The following CTDNEP1 variants were observed in gnomAD, a reference collection of about 807,000 sequenced individuals.
CTDNEP1 encodes C-terminal domain nuclear envelope phosphatase 1.
Under a neutral mutation model 30.1 loss-of-function variants are expected in CTDNEP1, and 3 were observed. The observed-to-expected ratio is 0.10, with a 90% CI of 0.05 to 0.26. CTDNEP1 has a LOEUF of 0.26. Ranked by LOEUF, CTDNEP1 falls within the 10% of genes least tolerant of loss-of-function variation. The probability of loss-of-function intolerance (pLI) is 1.00; values close to 1 mark genes in which losing one functional copy is unlikely to be tolerated. For missense variants in CTDNEP1, 158 were observed against 310.4 expected, an observed-to-expected ratio of 0.51 and a Z score of 3.69; for synonymous variants, 123 against 118.8, an observed-to-expected ratio of 1.04 and a Z score of -0.23.
intron 1 of CTDNEP1, among the ~76,000 whole-genome samples, chr17:7,249,441 C>T (rs866109934): frequency 3.3e-5 from 5 of 152,086 alleles, no homozygotes; most frequent in South Asian, 2.1e-4. Context: ...CTGCCAGAAG[C>T]GGGGTGGGGA....
chr17:7,245,993 T>G, intron 6 of CTDNEP1, 33 bp downstream of exon 6: 1 of 1,448,722 alleles, frequency 6.9e-7, no homozygotes, highest in Non-Finnish European at 9.7e-7. Flanking sequence ...AACCATGTTC[T>G]GGTCCTGCCA....
At chr17:7,250,176 G>A (rs2071894177) in intron 1 of CTDNEP1, among the ~76,000 whole-genome samples, 1 of 152,064 alleles carries the variant, frequency 6.6e-6, no homozygotes, top group Non-Finnish European at 1.5e-5. Flanking sequence ...CTGGACCCCA[G>A]GTCACCCCAA....
At chr17:7,245,719 C>T (rs1336982810) in intron 6 of CTDNEP1, among the ~76,000 whole-genome samples, 1 of 151,732 alleles carries the variant, frequency 6.6e-6, no homozygotes, top group Non-Finnish European at 1.5e-5. Flanking sequence ...AGGCTGGTCT[C>T]GAACTTCTGA....
intron 6 of CTDNEP1, among the ~76,000 whole-genome samples, chr17:7,245,343 T>C (rs2071821903): frequency 6.6e-6 from 1 of 151,488 alleles, no homozygotes; most frequent in African/African-American, 2.4e-5. Flanking sequence ...TGCACGCCTG[T>C]AGTCCCAACT....
In CTDNEP1 at chr17:7,251,141, TGTCCCCAACACCGCCAGAC is replaced by T. The variant is rs200552437; in HGVS notation, c.102+35_102+53del. 4.0e-3 allele frequency: 5,326 copies of T among 1,320,228 alleles called. 158 individuals are homozygous for T. In the African/African-American group the frequency reaches 0.066, roughly 16 times the overall value. The allele number at this position is 1,320,228 out of a possible 1,614,324, so 81.8% of individuals were successfully genotyped here. A position where few individuals can be genotyped will look rare whatever the true frequency, so the allele number is the denominator to read the frequency against. On this transcript the variant is annotated intron_variant, in intron 1 of 7. Coordinates refer to ENST00000574322, the MANE Select transcript of CTDNEP1 (RefSeq NM_001143775.2). The stretch of plus-strand genomic sequence containing the variant: ...AAAACCCCTGAGCACCACGGACAGA[TGTCCCCAACACCGCCAGAC>T]GTCCCCAACACCGCCAGCGCCCACC...
rs887445726 is a variant in CTDNEP1, at chr17:7,246,542, A to C, written c.361-172T>G. The C allele has an allele frequency of 9.3e-6, 6 of 644,074 alleles. No individual in the cohort carries two copies. In the Admixed American group the frequency reaches 1.1e-4, roughly 12 times the overall value. 39.9% of individuals were successfully genotyped at this position (644,074 alleles called of 1,614,324 possible). ...AGCCCAAACCTCCAAACTCAGTGTT[A>C]GGCATCCTACACTCTTATGATTCAG... On this transcript the variant is annotated intron_variant, in intron 4 of 7. Transcript: ENST00000574322. This position sits in a 1 kb window ranked among gnomAD's most constrained non-coding sequence, Gnocchi z 4.9.
chr17:7,250,688 C>T (rs1018110851), intron 1 of CTDNEP1, among the ~76,000 whole-genome samples: 8 of 152,176 alleles, frequency 5.3e-5, no homozygotes, highest in Non-Finnish European at 1.0e-4. Context: ...GAACCGCAGG[C>T]GTTTCTCCTT....
In CTDNEP1 at chr17:7,246,164, G is replaced by T. The variant is rs1466370991; in HGVS notation, c.478-27C>A. ...TGGAAGGCAGGGGATCATGTAGCAG[G>T]CCTCTCTCCAGGATACTCTCCTCAA... On this transcript the variant is annotated intron_variant, in intron 5 of 7. Coordinates refer to ENST00000574322, the MANE Select transcript of CTDNEP1 (RefSeq NM_001143775.2). This position sits in a 1 kb window ranked among gnomAD's most constrained non-coding sequence, Gnocchi z 4.9. The T allele has an allele frequency of 6.3e-7, 1 of 1,595,428 alleles. No individual in the cohort carries two copies. The highest frequency in any genetic ancestry group is 8.6e-7 in the Non-Finnish European group (1 of 1,163,134).
rs200552437 is a variant in CTDNEP1 at position 7,251,141 on chromosome 17, T to TGTCCCCAACACCGCCAGAC, written c.102+35_102+53dup. The TGTCCCCAACACCGCCAGAC allele has an allele frequency of 1.5e-4, 201 of 1,320,206 alleles. 1 individual carries two copies. Among genetic ancestry groups the TGTCCCCAACACCGCCAGAC allele is most frequent in the South Asian group, 1.2e-4 (9 of 75,554 alleles). The allele number at this position is 1,320,206 out of a possible 1,614,324, so 81.8% of individuals were successfully genotyped here. A position where few individuals can be genotyped will look rare whatever the true frequency, so the allele number is the denominator to read the frequency against. On this transcript the variant is annotated intron_variant, in intron 1 of 7. Coordinates refer to ENST00000574322, the MANE Select transcript of CTDNEP1 (RefSeq NM_001143775.2). ...AAAACCCCTGAGCACCACGGACAGA[T>TGTCCCCAACACCGCCAGAC]GTCCCCAACACCGCCAGACGTCCCC...
chr17:7,244,771 C>T, intron 6 of CTDNEP1, 136 bp from the exon 7 acceptor site: 1 of 664,532 alleles, frequency 1.5e-6, no homozygotes, highest in Non-Finnish European at 2.5e-6. Flanking sequence ...CTAAGTAAAA[C>T]TTTCCTGGTT....
Position 7,251,334 on chromosome 17 carries a change from C to G in CTDNEP1, c.-38G>C. ...GGCACCGCCGGCCCCGGGGCCCCCG[C>G]GGCCCAGCTCCGCCAGCCCCCCGGG... is the stretch of plus-strand genomic sequence containing the variant. On this transcript the variant is annotated 5_prime_UTR_variant, in exon 1 of 8. Coordinates refer to ENST00000574322, the MANE Select transcript of CTDNEP1 (RefSeq NM_001143775.2). The G allele has an allele frequency of 7.3e-7, 1 of 1,378,718 alleles. No individual in the cohort carries two copies. 85.4% of individuals were successfully genotyped at this position (1,378,718 alleles called of 1,614,324 possible).
Position 7,248,259 on chromosome 17 carries a change from C to CCAAAAAAAAA in CTDNEP1, c.103-917_103-916insTTTTTTTTTG, listed in dbSNP as rs1379101575. 1.9e-4 allele frequency among the ~76,000 whole-genome samples: 3 copies of CCAAAAAAAAA among 15,406 alleles called. 1 individual carries two copies. Among genetic ancestry groups the CCAAAAAAAAA allele is most frequent in the African/African-American group, 2.9e-4 (3 of 10,380 alleles). The allele number at this position is 15,406 out of a possible 152,430, so 10.1% of individuals were successfully genotyped here. A position where few individuals can be genotyped will look rare whatever the true frequency, so the allele number is the denominator to read the frequency against. Reference sequence around the variant, plus strand: ...CTGGTGACAGAGCAAGACTCCGTCGCAAAAAAAAAAAAAAAAAAAAAAAAA... The same window carrying CCAAAAAAAAA: ...CTGGTGACAGAGCAAGACTCCGTCGCCAAAAAAAAAAAAAAAAAAAAAAAAAAAAAAAAAA... On this transcript the variant is annotated intron_variant, in intron 1 of 7. Coordinates refer to ENST00000574322, the MANE Select transcript of CTDNEP1 (RefSeq NM_001143775.2).
chr17:7,244,333 G>A (rs1226202797), intron 7 of CTDNEP1, 88 bp from the exon 8 acceptor site: 2 of 1,421,720 alleles, frequency 1.4e-6, no homozygotes, highest in African/African-American at 1.4e-5. Context: ...TGGAGATGTG[G>A]GACCTAAATT....
intron 1 of CTDNEP1, among the ~76,000 whole-genome samples, chr17:7,248,093 T>A (rs889117355): frequency 4.6e-5 from 7 of 150,682 alleles, no homozygotes; most frequent in African/African-American, 1.7e-4. Flanking sequence ...AAACCCCGTC[T>A]CTACTAAAAA....
At chr17:7,249,088 T>G (rs2071880375) in intron 1 of CTDNEP1, among the ~76,000 whole-genome samples, 1 of 152,076 alleles carries the variant, frequency 6.6e-6, no homozygotes. Flanking sequence ...GGCCGTTAAG[T>G]GAGAGGTGAA....
rs995440722 is a variant in CTDNEP1 at position 7,249,728 on chromosome 17, T to C, written c.102+1467A>G. On this transcript the variant is annotated intron_variant, in intron 1 of 7. Transcript: ENST00000574322. ...GAGTTTGAGACCATCCTGGCCAACA[T>C]GGTGAAAACCCGTTTCTACTAAAAT... is the stretch of plus-strand genomic sequence containing the variant. Among the ~76,000 whole-genome samples, 7 of 152,146 alleles carry C rather than the reference T, an allele frequency of 4.6e-5. No homozygotes were observed. In the East Asian group the frequency reaches 9.6e-4, roughly 21 times the overall value.
rs150300133 is a variant in CTDNEP1, at chr17:7,244,348, C to A, written c.675-103G>T. 4.5e-5 allele frequency: 60 copies of A among 1,347,242 alleles called. No homozygotes were observed. The African/African-American group carries it at 8.3e-4, about 19-fold the overall frequency. The allele number at this position is 1,347,242 out of a possible 1,614,324, so 83.5% of individuals were successfully genotyped here. A position where few individuals can be genotyped will look rare whatever the true frequency, so the allele number is the denominator to read the frequency against. Reference sequence around the variant, plus strand: ...TGGAGATGTGGGACCTAAATTATCACCATATTCATGATTAGATAGGTTCAA... The same window carrying A: ...TGGAGATGTGGGACCTAAATTATCAACATATTCATGATTAGATAGGTTCAA... On this transcript the variant is annotated intron_variant, in intron 7 of 7. Coordinates refer to ENST00000574322, the MANE Select transcript of CTDNEP1 (RefSeq NM_001143775.2).
intron 6 of CTDNEP1, among the ~76,000 whole-genome samples, chr17:7,245,287 G>A (rs1469260778): frequency 6.6e-6 from 1 of 150,722 alleles, no homozygotes; most frequent in Non-Finnish European, 1.5e-5. Context: ...GCGAGACTCT[G>A]TCTCAAAAAA....
chr17:7,245,345 G>A (rs2071821924), intron 6 of CTDNEP1, among the ~76,000 whole-genome samples: 1 of 151,528 alleles, frequency 6.6e-6, no homozygotes, highest in Non-Finnish European at 1.5e-5. Flanking sequence ...CACGCCTGTA[G>A]TCCCAACTAC....
Sources: allele counts gnomAD v4.1 joint callset (sites outside exome capture counted in the v4.1 genomes callset), GRCh38; gene constraint gnomAD v4.1.1; non-coding constraint Gnocchi (gnomAD v3.1); transcripts MANE v1.5; gene names NCBI Gene and HGNC (gene_info 2026-07-23, HGNC 2026-07-21).